Variants in KLC1 observed in about 807,000 individuals in gnomAD.
The protein encoded by KLC1 is kinesin 2 60/70kDa.
A neutral mutation model predicts 84.2 loss-of-function variants in KLC1; 30 were observed. The ratio of observed to expected loss-of-function variants is 0.36; its 90% CI spans 0.27 to 0.48. The LOEUF (loss-of-function observed/expected upper bound fraction) is 0.48, where lower values mean the gene tolerates loss of function less well. KLC1 is among the 20% of genes least tolerant of loss of function. KLC1 has a pLI of 0.99. For missense variants in KLC1, 499 were observed against 805.4 expected (o/e 0.62, Z 4.60); for synonymous variants, 289 against 293.3 (o/e 0.99, Z 0.15).
chr14:103,657,540 G>A lies in KLC1; in HGVS notation c.262-6G>A, dbSNP rs2078931462. The A allele has an allele frequency of 6.2e-7, 1 of 1,611,290 alleles. No individual in the cohort carries two copies. Among genetic ancestry groups the A allele is most frequent in the East Asian group, 2.2e-5 (1 of 44,820 alleles). ...CACAGTGCTGCACACGTTTCTGTCT[G>A]CTCAGGTTATGATGGCTTTGTCAAA... On this transcript the variant is annotated splice_region_variant and splice_polypyrimidine_tract_variant and intron_variant, in intron 2 of 16. Coordinates refer to ENST00000334553, the MANE Select transcript of KLC1 (RefSeq NM_001394837.1).
chr14:103,693,409 TACATGC>T lies in KLC1; in HGVS notation c.1848+989_1848+994del. The T allele has an allele frequency of 7.8e-7, 1 of 1,283,582 alleles. No homozygotes were observed. Among genetic ancestry groups the T allele is most frequent in the East Asian group, 2.5e-5 (1 of 39,320 alleles). 79.5% of individuals were successfully genotyped at this position (1,283,582 alleles called of 1,614,324 possible). On this transcript the variant is annotated intron_variant, in intron 15 of 16. Coordinates refer to ENST00000334553, the MANE Select transcript of KLC1 (RefSeq NM_001394837.1). This position sits in a 1 kb window ranked among gnomAD's most constrained non-coding sequence, Gnocchi z 5.1. ...TTGCCCTCCAGTTTCTTGGAGTTTC[TACATGC>T]ACATTGACCCCTGGGCCTCTCGAGT...
At chr14:103,657,043 T>C (rs962815608) in intron 2 of KLC1, among the ~76,000 whole-genome samples, 8 of 152,252 alleles carry the variant, frequency 5.3e-5, no homozygotes, top group Middle Eastern at 3.4e-3. Context: ...GCATTCTTAC[T>C]CTTGGTGGTA....
chr14:103,671,137 C>T (rs2080350628), intron 7 of KLC1, among the ~76,000 whole-genome samples: 1 of 151,970 alleles, frequency 6.6e-6, no homozygotes, highest in South Asian at 2.1e-4. Context: ...ATAAATTCAC[C>T]AAATATGCTT....
At chr14:103,674,892 C>T (rs867607972) in intron 9 of KLC1, among the ~76,000 whole-genome samples, 1 of 152,168 alleles carries the variant, frequency 6.6e-6, no homozygotes, top group South Asian at 2.1e-4. Flanking sequence ...TTGACAGTTG[C>T]TCACCTGTCT....
intron 7 of KLC1, among the ~76,000 whole-genome samples, chr14:103,671,908 AG>A (rs1365826457): frequency 6.6e-6 from 1 of 152,204 alleles, no homozygotes; most frequent in Non-Finnish European, 1.5e-5. Flanking sequence ...TATCAAATTA[AG>A]GATTAGGAAC....
chr14:103,666,965 A>G (rs2079907616), intron 5 of KLC1, among the ~76,000 whole-genome samples: 2 of 145,976 alleles, frequency 1.4e-5, no homozygotes, highest in Non-Finnish European at 3.0e-5. Flanking sequence ...TTTAGTAGAG[A>G]CAGGGTCTTA....
chr14:103,696,740 G>A (rs1339120897), intron 15 of KLC1: 11 of 985,470 alleles, frequency 1.1e-5, no homozygotes, highest in Middle Eastern at 1.0e-3. Context: ...GAACTTAAGC[G>A]GTTTTAGTGT....
chr14:103,665,966 CCTT>C (rs2079755321), intron 5 of KLC1, among the ~76,000 whole-genome samples: 1 of 151,638 alleles, frequency 6.6e-6, no homozygotes, highest in African/African-American at 2.4e-5. Context: ...TCATTTGTAT[CCTT>C]CTGTGAATTT....
intron 9 of KLC1, 152 bp from the exon 10 acceptor site, chr14:103,675,400 C>G (rs951748528): frequency 1.6e-6 from 1 of 612,722 alleles, no homozygotes; most frequent in South Asian, 2.1e-5. Flanking sequence ...ATTTATAGTA[C>G]AGGTTAAATA....
chr14:103,692,740 A>G (rs2082192841), intron 15 of KLC1, among the ~76,000 whole-genome samples: 1 of 152,188 alleles, frequency 6.6e-6, no homozygotes, highest in Non-Finnish European at 1.5e-5. Context: ...ACCAATTACT[A>G]GTTTGTATGA....
intron 1 of KLC1, among the ~76,000 whole-genome samples, chr14:103,643,530 C>T (rs1293449677): frequency 2.6e-5 from 4 of 152,220 alleles, no homozygotes; most frequent in African/African-American, 9.6e-5. Context: ...GCCCGTGACA[C>T]AGCCCTCAGG....
rs1309372777 is a variant in KLC1 at position 103,687,061 on chromosome 14, T to G, written c.1651-20T>G. ...AGGGAGAACCACCTGCAGCTTCACG[T>G]TTGTTCACGTTTTTTTCAGGATGGC... On this transcript the variant is annotated intron_variant, in intron 13 of 16. Transcript: ENST00000334553. The G allele has an allele frequency of 6.6e-7, 1 of 1,509,392 alleles. No homozygotes were observed. 93.5% of individuals were successfully genotyped at this position (1,509,392 alleles called of 1,614,324 possible). A position where few individuals can be genotyped will look rare whatever the true frequency, so the allele number is the denominator to read the frequency against.
intron 1 of KLC1, among the ~76,000 whole-genome samples, chr14:103,647,529 C>G (rs937434065): frequency 1.8e-4 from 28 of 152,042 alleles, no homozygotes; most frequent in African/African-American, 6.3e-4. Flanking sequence ...GTGCCTTACC[C>G]AGAAACTTTT....
chr14:103,680,178 C>T (rs1011293889), intron 13 of KLC1, among the ~76,000 whole-genome samples: 2 of 152,168 alleles, frequency 1.3e-5, no homozygotes, highest in Non-Finnish European at 2.9e-5. Flanking sequence ...CTGGTTTGCC[C>T]CTGGAAATTC....
At chr14:103,663,707 GCT>G (rs1262979310) in intron 5 of KLC1, among the ~76,000 whole-genome samples, 1 of 152,142 alleles carries the variant, frequency 6.6e-6, no homozygotes, top group Non-Finnish European at 1.5e-5. Context: ...GGAGTGGTGG[GCT>G]CTCAGTTGTG....
chr14:103,640,909 CT>C (rs2077438655), intron 1 of KLC1, among the ~76,000 whole-genome samples: 1 of 151,850 alleles, frequency 6.6e-6, no homozygotes, highest in South Asian at 2.1e-4. Flanking sequence ...ACATTGGTAC[CT>C]TACTATTATT....
chr14:103,700,337 T>C, intron 15 of KLC1: 1 of 312,938 alleles, frequency 3.2e-6, no homozygotes, highest in Non-Finnish European at 5.9e-6. Context: ...GCAGGTGTCC[T>C]CGGCCTCCCT....
At chr14:103,700,097 C>A (rs2083020682) in intron 15 of KLC1, 1 of 216,492 alleles carries the variant, frequency 4.6e-6, no homozygotes, top group Non-Finnish European at 9.4e-6. Flanking sequence ...TCAGGCGTTA[C>A]TCAGGCGAGT....
At chr14:103,700,799 TG>T in intron 16 of KLC1, 72 bp downstream of exon 16, 11 of 1,215,984 alleles carry the variant, frequency 9.0e-6, no homozygotes, top group East Asian at 5.0e-5. Flanking sequence ...ATGCAGGGAC[TG>T]GGGGGAGCTG....
Sources: gnomAD v4.1 joint callset for allele counts (sites outside exome capture counted in the v4.1 genomes callset) on GRCh38, gnomAD v4.1.1 for gene constraint, Gnocchi (gnomAD v3.1) non-coding constraint, MANE v1.5 for transcripts, NCBI Gene and HGNC (gene_info 2026-07-23, HGNC 2026-07-21) for gene names.